Variants in HOOK3 observed in about 807,000 individuals in gnomAD.
The protein encoded by HOOK3 is protein Hook homolog 3.
HOOK3 carries 24 observed loss-of-function variants against 116.3 expected under a neutral mutation model. The ratio of observed to expected loss-of-function variants is 0.21; its 90% CI spans 0.15 to 0.29. HOOK3 has a LOEUF of 0.29. Ranked by LOEUF, HOOK3 falls within the 10% of genes least tolerant of loss-of-function variation. The pLI, the probability that HOOK3 is intolerant of heterozygous loss-of-function variation, is 1.00. For missense variants in HOOK3, 632 were observed against 830.2 expected (o/e 0.76, Z 2.93); for synonymous variants, 275 against 283.0 (o/e 0.97, Z 0.28).
chr8:42,988,429 C>T (rs1475362336), intron 15 of HOOK3, among the ~76,000 whole-genome samples: 1 of 152,156 alleles, frequency 6.6e-6, no homozygotes, highest in East Asian at 1.9e-4. Context: ...TGTTGTTTCT[C>T]ACAGGCTTTA....
At chr8:42,980,968 C>G (rs1808928962) in intron 13 of HOOK3, among the ~76,000 whole-genome samples, 2 of 152,124 alleles carry the variant, frequency 1.3e-5, no homozygotes, top group Non-Finnish European at 1.5e-5. Flanking sequence ...CGGGACTCTG[C>G]AGAGAGTCCC....
chr8:42,971,359 C>T (rs1808724734), intron 11 of HOOK3, among the ~76,000 whole-genome samples: 4 of 152,072 alleles, frequency 2.6e-5, no homozygotes, highest in Admixed American at 2.6e-4. Context: ...CTCCACCTCC[C>T]AGGTTCAAGC....
chr8:42,929,245 G>A (rs570021153), intron 3 of HOOK3, among the ~76,000 whole-genome samples: 21 of 152,246 alleles, frequency 1.4e-4, no homozygotes, highest in African/African-American at 4.8e-4. Context: ...AGATGTTTAA[G>A]CATGTTAATT....
chr8:42,906,294 A>C (rs771601050), intron 2 of HOOK3, 36 bp downstream of exon 2: 1 of 1,342,002 alleles, frequency 7.5e-7, no homozygotes, highest in South Asian at 1.2e-5. Context: ...GTGTATTCTT[A>C]TGCATGGATA....
chr8:42,902,325 G>T (rs1258011108), intron 1 of HOOK3, among the ~76,000 whole-genome samples: 1 of 150,970 alleles, frequency 6.6e-6, no homozygotes, highest in African/African-American at 2.4e-5. Context: ...AGGCTGGAGT[G>T]CCGTGGAGCA....
rs970872976 is a variant in HOOK3, at chr8:42,944,895, A to G, written c.400+1450A>G. Among the ~76,000 whole-genome samples the G allele has an allele frequency of 7.9e-5, 12 of 152,224 alleles. No individual in the cohort carries two copies. The South Asian group carries it at 8.3e-4, about 10-fold the overall frequency. On this transcript the variant is annotated intron_variant, in intron 5 of 21. Coordinates refer to ENST00000307602, the MANE Select transcript of HOOK3 (RefSeq NM_032410.4). ...ATTTCTCGCTAAGCATGTAAATCTG[A>G]AAACTGTCTTTTATTTTTTCCCATG...
intron 4 of HOOK3, among the ~76,000 whole-genome samples, chr8:42,932,945 T>C (rs1264261897): frequency 6.6e-6 from 1 of 152,234 alleles, no homozygotes; most frequent in Non-Finnish European, 1.5e-5. Context: ...TATATTTCTT[T>C]GTGCATTTAG....
intron 15 of HOOK3, among the ~76,000 whole-genome samples, chr8:42,989,458 T>A (rs1233143409): frequency 7.2e-5 from 11 of 152,204 alleles, no homozygotes; most frequent in Non-Finnish European, 1.2e-4. Context: ...ATGAACTTTT[T>A]ATTTTTTTTA....
intron 4 of HOOK3, among the ~76,000 whole-genome samples, chr8:42,936,585 A>T (rs1807975966): frequency 6.6e-6 from 1 of 152,288 alleles, no homozygotes; most frequent in African/African-American, 2.4e-5. Flanking sequence ...GTTTATTGAG[A>T]GTTTTTAGCA....
At chr8:42,968,320 C>G in intron 11 of HOOK3, 106 bp downstream of exon 11, 2 of 778,004 alleles carry the variant, frequency 2.6e-6, no homozygotes, top group Non-Finnish European at 4.2e-6. Context: ...TGTTTTTTAC[C>G]TTTTCTTTAT....
chr8:43,009,218 G>A (rs987545260), intron 18 of HOOK3, among the ~76,000 whole-genome samples: 12 of 151,938 alleles, frequency 7.9e-5, no homozygotes, highest in Admixed American at 3.9e-4. Context: ...CAGCCTGGGC[G>A]ACGTGGTAAA....
intron 2 of HOOK3, among the ~76,000 whole-genome samples, chr8:42,909,235 A>G (rs1411109234): frequency 6.6e-6 from 1 of 152,198 alleles, no homozygotes; most frequent in Admixed American, 6.5e-5. Flanking sequence ...CATTATGGAA[A>G]ACTGTACAAA....
At chr8:42,952,815 C>T (rs1808366056) in intron 6 of HOOK3, among the ~76,000 whole-genome samples, 1 of 152,082 alleles carries the variant, frequency 6.6e-6, no homozygotes, top group African/African-American at 2.4e-5. Flanking sequence ...TGTTAAAATA[C>T]CAAAACTACA....
intron 13 of HOOK3, among the ~76,000 whole-genome samples, chr8:42,981,883 C>CAA (rs11348838): frequency 1.4e-4 from 15 of 108,124 alleles, no homozygotes; most frequent in African/African-American, 3.9e-4. Flanking sequence ...GACTCTGTCT[C>CAA]AAAAAAAAAA....
At chr8:42,916,322 C>T (rs1320076533) in intron 2 of HOOK3, among the ~76,000 whole-genome samples, 1 of 152,132 alleles carries the variant, frequency 6.6e-6, no homozygotes, top group East Asian at 1.9e-4. Flanking sequence ...TTTTTGTTTT[C>T]AAGAAGGGTT....
rs1298015516 is a variant in HOOK3, at chr8:43,024,020, A to T, written c.*5522A>T. The T allele has an allele frequency of 4.9e-6, 1 of 203,842 alleles. No individual in the cohort carries two copies. The highest frequency in any genetic ancestry group is 2.3e-5 in the African/African-American group (1 of 43,678). The allele number at this position is 203,842 out of a possible 1,614,324, so 12.6% of individuals were successfully genotyped here. On this transcript the variant is annotated 3_prime_UTR_variant, in exon 22 of 22. Transcript: ENST00000307602. ...CTCTGAGTCCAGGATAACTCCAGTT[A>T]TCCCCAGTTGGATCATGTGTGATTT...
intron 2 of HOOK3, among the ~76,000 whole-genome samples, chr8:42,915,675 G>A (rs866117485): frequency 2.0e-5 from 3 of 152,162 alleles, no homozygotes; most frequent in African/African-American, 7.2e-5. Context: ...CAGGAGGTCC[G>A]CCTGTCTCGG....
rs547774878 is a variant in HOOK3, at chr8:42,928,077, C to T, written c.217-2045C>T. Among the ~76,000 whole-genome samples the T allele has an allele frequency of 5.3e-5, 8 of 152,182 alleles. No homozygotes were observed. In the South Asian group the frequency reaches 1.2e-3, roughly 24 times the overall value. On this transcript the variant is annotated intron_variant, in intron 3 of 21. Transcript: ENST00000307602. ...GTGGGTGGATCATAGGTCAAGAGAT[C>T]GAGACCATCCTGGCCAACATGGTGA...
chr8:42,906,145 T>TC (rs80157780), intron 1 of HOOK3, 28 bp from the exon 2 acceptor site: 16,335 of 532,200 alleles, frequency 0.031, 95 homozygotes, highest in Middle Eastern at 0.077. Flanking sequence ...ACAGAATCTC[T>TC]CCCCCCCCCC....
Sources: allele counts gnomAD v4.1 joint callset (sites outside exome capture counted in the v4.1 genomes callset), GRCh38; gene constraint gnomAD v4.1.1; transcripts MANE v1.5; gene names NCBI Gene and HGNC (gene_info 2026-07-23, HGNC 2026-07-21).